FAM83D: variants seen among roughly 807,000 people sequenced by gnomAD.
FAM83D encodes scaffolding CK1 anchoring protein D.
Under a neutral mutation model 25.4 loss-of-function variants are expected in FAM83D, and 26 were observed. The ratio of observed to expected loss-of-function variants is 1.02; its 90% CI spans 0.75 to 1.42. The LOEUF (loss-of-function observed/expected upper bound fraction) is 1.42, where lower values mean the gene tolerates loss of function less well. Ranked by LOEUF, FAM83D falls within the 40% of genes most tolerant of loss-of-function variation. The pLI, the probability that FAM83D is intolerant of heterozygous loss-of-function variation, is 0.00. For synonymous variants in FAM83D, 310 were observed against 318.5 expected, an observed-to-expected ratio of 0.97 and a Z score of 0.28; for missense variants, 740 against 758.1, an observed-to-expected ratio of 0.98 and a Z score of 0.28.
rs766046202 is a variant in FAM83D at position 38,926,456 on chromosome 20, C to T, written c.14C>T (p.Ser5Phe). 1.3e-6 allele frequency: 2 copies of T among 1,598,858 alleles called. No homozygotes were observed. Among genetic ancestry groups the T allele is most frequent in the East Asian group, 2.2e-5 (1 of 44,674 alleles). The part of the protein sequence containing the change: MALL[S>F]EGLDEVPAAC... ...CCGAGCGCCGCCATGGCTCTGCTGT[C>T]CGAGGGCCTGGACGAGGTGCCCGCC... is the stretch of plus-strand genomic sequence containing the variant. The change falls in exon 1 of 4, where the codon TCC becomes TTC. Residue 5 changes from serine to phenylalanine, a missense_variant. Ser to Phe is a radical substitution (Grantham distance 155, BLOSUM62 -2). Coordinates refer to ENST00000619850, the MANE Select transcript of FAM83D (RefSeq NM_030919.3).
chr20:38,946,208 A>AC (rs2085727643), intron 2 of FAM83D, among the ~76,000 whole-genome samples: 1 of 151,936 alleles, frequency 6.6e-6, no homozygotes, highest in Non-Finnish European at 1.5e-5. Context: ...AAAAAAAAAA[A>AC]AAAAAAAAAA....
intron 1 of FAM83D, among the ~76,000 whole-genome samples, chr20:38,941,595 A>G (rs1601334611): frequency 6.6e-6 from 1 of 152,226 alleles, no homozygotes; most frequent in African/African-American, 2.4e-5. Context: ...ACAGAACCAG[A>G]CAGCTTGCTG....
Position 38,952,495 on chromosome 20 carries a change from T to C in FAM83D, c.1733T>C (p.Val578Ala). ...SRVNLLAVRD[V>A]ALYPSYQ ...GTTAATTTGCTTGCTGTTAGAGATG[T>C]AGCACTTTATCCTTCCTATCAGTAA... The change falls in exon 4 of 4, where the codon GTA becomes GCA. Residue 578 changes from valine (V) to alanine (A), a missense_variant. By Grantham distance (64) the Val-to-Ala change is moderately conservative (BLOSUM62 0). Around this residue, in one of 3 missense-constraint regions of FAM83D, gnomAD observed 375 missense variants for 403.2 expected, o/e 0.93. Coordinates refer to ENST00000619850, the MANE Select transcript of FAM83D (RefSeq NM_030919.3). 6.2e-7 allele frequency: 1 copy of C among 1,613,782 alleles called. No individual in the cohort carries two copies. Among genetic ancestry groups the C allele is most frequent in the Non-Finnish European group, 8.5e-7 (1 of 1,179,868 alleles).
chr20:38,949,164 CTT>C (rs11428579), intron 3 of FAM83D, among the ~76,000 whole-genome samples: 5 of 141,288 alleles, frequency 3.5e-5, no homozygotes, highest in Non-Finnish European at 1.5e-5. Flanking sequence ...TGAAGGCTTT[CTT>C]TTTTTTTTTT....
chr20:38,950,015 G>A (rs574851344), intron 3 of FAM83D, among the ~76,000 whole-genome samples: 4 of 152,212 alleles, frequency 2.6e-5, no homozygotes, highest in African/African-American at 7.2e-5. Flanking sequence ...TAGAGATGGG[G>A]TTTCACTATG....
In FAM83D at chr20:38,926,640, C is replaced by T. The variant is rs777166362; in HGVS notation, c.198C>T (p.His66=). The T allele has an allele frequency of 8.5e-6, 13 of 1,537,190 alleles. No homozygotes were observed. The Admixed American group carries it at 1.4e-4, about 16-fold the overall frequency. ...GTTTCCTGAACCCCGATGAGGTGCA[C>T]GCCATTCTGCGCGCGGCGGAGAGGC... is the stretch of plus-strand genomic sequence containing the variant. ...LARFLNPDEV[H]AILRAAERPG... Residue 66 remains histidine (H), a synonymous_variant, in exon 1 of 4, where the codon CAC becomes CAT. Transcript: ENST00000619850.
chr20:38,947,988 C>T lies in FAM83D; in HGVS notation c.764C>T (p.Thr255Ile), dbSNP rs567972680. ...TTGATTGATGGCATCCGCGTGGCAA[C>T]AGGCTCCTACAGGTAAGTCTCTAAC... ...FTLIDGIRVA[T>I]GSYSFTWTDG... Residue 255 changes from threonine (T) to isoleucine (I), a missense_variant, in exon 3 of 4, where the codon ACA (threonine) becomes ATA (isoleucine). Thr to Ile is a moderately conservative substitution (Grantham distance 89). Around this residue, in one of 3 missense-constraint regions of FAM83D, gnomAD observed 375 missense variants for 403.2 expected, o/e 0.93. Coordinates refer to ENST00000619850, the MANE Select transcript of FAM83D (RefSeq NM_030919.3). 1.5e-5 allele frequency: 24 copies of T among 1,614,140 alleles called. No homozygotes were observed. The highest frequency in any genetic ancestry group is 6.7e-5 in the African/African-American group (5 of 75,050).
rs1392753587 is a variant in FAM83D, at chr20:38,926,432, C to CGA, written c.-9_-8dup. 1 of 1,597,676 alleles carries CGA rather than the reference C, an allele frequency of 6.3e-7. No homozygotes were observed. The highest frequency in any genetic ancestry group is 8.5e-7 in the Non-Finnish European group (1 of 1,178,620). On this transcript the variant is annotated 5_prime_UTR_variant, in exon 1 of 4. Transcript: ENST00000619850. ...GTTTTTGTCCGAGGGCTGTCGAGTC[C>CGA]GAGCGCCGCCATGGCTCTGCTGTCC...
At position 38,936,536 on chromosome 20, in the gene FAM83D, G is replaced by A. The variant is rs553283129; in HGVS notation, c.484-5423G>A. Among the ~76,000 whole-genome samples the A allele has an allele frequency of 7.9e-5, 12 of 152,264 alleles. No homozygotes were observed. In the East Asian group the frequency reaches 2.1e-3, roughly 27 times the overall value. ...TGAGCCCATGCACTTCATGGGCTAC[G>A]CCACTGATCCTTTAGTGTTTGTTCT... is the stretch of plus-strand genomic sequence containing the variant. On this transcript the variant is annotated intron_variant, in intron 1 of 3. Coordinates refer to ENST00000619850, the MANE Select transcript of FAM83D (RefSeq NM_030919.3).
intron 1 of FAM83D, among the ~76,000 whole-genome samples, chr20:38,940,852 G>T (rs1348237069): frequency 6.6e-6 from 1 of 152,212 alleles, no homozygotes; most frequent in Non-Finnish European, 1.5e-5. Context: ...TGTCTGGACG[G>T]CTCCAGCTCT....
At chr20:38,929,790 TAAA>T (rs763008692) in intron 1 of FAM83D, among the ~76,000 whole-genome samples, 3 of 128,748 alleles carry the variant, frequency 2.3e-5, no homozygotes, top group Admixed American at 7.9e-5. Flanking sequence ...CCTGTCTCTT[TAAA>T]AAAAAAAAAA....
intron 3 of FAM83D, among the ~76,000 whole-genome samples, chr20:38,951,336 G>A (rs549620375): frequency 1.5e-3 from 227 of 152,232 alleles, no homozygotes; most frequent in Non-Finnish European, 2.0e-3. Flanking sequence ...TAAACAGTTG[G>A]CCTTTTTACT....
chr20:38,952,170 T>A lies in FAM83D; in HGVS notation c.1408T>A (p.Ser470Thr). Reference protein sequence around the residue: ...EGSPVSKMSVSRSSSLKSSSS... With the variant: ...EGSPVSKMSVTRSSSLKSSSS... Reference sequence around the variant, plus strand: ...GTCACCAGTCTCAAAAATGTCTGTATCGAGATCTTCCAGTTTGAAGTCTTC... The same window carrying A: ...GTCACCAGTCTCAAAAATGTCTGTAACGAGATCTTCCAGTTTGAAGTCTTC... The change falls in exon 4 of 4, where the codon TCG becomes ACG. Residue 470 changes from serine to threonine, a missense_variant. By Grantham distance (58) the Ser-to-Thr change is moderately conservative. Around this residue, in one of 3 missense-constraint regions of FAM83D, gnomAD observed 375 missense variants for 403.2 expected, o/e 0.93. Transcript: ENST00000619850. 6.2e-7 allele frequency: 1 copy of A among 1,614,180 alleles called. No homozygotes were observed. Among genetic ancestry groups the A allele is most frequent in the Non-Finnish European group, 8.5e-7 (1 of 1,180,036 alleles).
intron 1 of FAM83D, among the ~76,000 whole-genome samples, chr20:38,940,851 G>A (rs1053398937): frequency 2.6e-5 from 4 of 152,184 alleles, no homozygotes; most frequent in Non-Finnish European, 4.4e-5. Context: ...CTGTCTGGAC[G>A]GCTCCAGCTC....
At chr20:38,934,031 A>G (rs1361671723) in intron 1 of FAM83D, among the ~76,000 whole-genome samples, 1 of 151,562 alleles carries the variant, frequency 6.6e-6, no homozygotes. Context: ...ATTTTTTTGT[A>G]TTTTAGTAGA....
At chr20:38,928,822 C>T (rs899001387) in intron 1 of FAM83D, among the ~76,000 whole-genome samples, 4 of 152,156 alleles carry the variant, frequency 2.6e-5, no homozygotes, top group South Asian at 2.1e-4. Flanking sequence ...CAGTTCCCTC[C>T]GAGATGCTGT....
intron 1 of FAM83D, among the ~76,000 whole-genome samples, chr20:38,932,084 T>C (rs1352618524): frequency 6.6e-6 from 1 of 152,200 alleles, no homozygotes; most frequent in Admixed American, 6.5e-5. Context: ...TGAGGTACAG[T>C]GTTTAAAAAC....
At chr20:38,950,862 T>TCATG (rs76839702) in intron 3 of FAM83D, among the ~76,000 whole-genome samples, 21,530 of 152,038 alleles carry the variant, frequency 0.14, 1,616 homozygotes, top group Middle Eastern at 0.19. Flanking sequence ...TCTCGCCCAG[T>TCATG]CATGGAATGT....
rs1318025543 is a variant in FAM83D at position 38,947,947 on chromosome 20, T to A, written c.723T>A (p.Val241=). ...ARSGTKIIGK[V]HEKFTLIDGI... ...CAGGAACTAAGATTATTGGGAAGGT[T>A]CACGAAAAGTTCACGTTGATTGATG... The change falls in exon 3 of 4, where the codon GTT becomes GTA. Residue 241 remains valine (V), a synonymous_variant. Transcript: ENST00000619850. 6.2e-7 allele frequency: 1 copy of A among 1,613,972 alleles called. No homozygotes were observed.
Sources: gnomAD v4.1 joint callset for allele counts (sites outside exome capture counted in the v4.1 genomes callset) on GRCh38, gnomAD v4.1.1 for gene constraint, gnomAD v4.1.1 regional missense constraint, MANE v1.5 for transcripts, NCBI Gene and HGNC (gene_info 2026-07-23, HGNC 2026-07-21) for gene names.